The following IST1 variants were observed in gnomAD, a reference collection of about 807,000 sequenced individuals.
The protein encoded by IST1 is IST1 homolog.
A neutral mutation model predicts 37.0 loss-of-function variants in IST1; 23 were observed. The ratio of observed to expected loss-of-function variants is 0.62; its 90% CI spans 0.45 to 0.88. IST1 has a LOEUF of 0.88. Among genes scored for constraint, IST1 ranks in the 40% least tolerant of loss-of-function variants. The pLI, the probability that IST1 is intolerant of heterozygous loss-of-function variation, is 0.00. For synonymous variants in IST1, 180 were observed against 161.7 expected (o/e 1.11, Z -0.86); for missense variants, 488 against 445.4 (o/e 1.10, Z -0.86).
At chr16:71,915,207 A>G (rs2037441682) in intron 1 of IST1, among the ~76,000 whole-genome samples, 1 of 151,932 alleles carries the variant, frequency 6.6e-6, no homozygotes, top group Non-Finnish European at 1.5e-5. Flanking sequence ...CCCTGTTGAG[A>G]TTTTTTTGGG....
Position 71,922,468 on chromosome 16 carries a change from T to G in IST1, c.553-6T>G. The G allele has an allele frequency of 6.2e-7, 1 of 1,613,312 alleles. No homozygotes were observed. Among genetic ancestry groups the G allele is most frequent in the Non-Finnish European group, 8.5e-7 (1 of 1,179,532 alleles). Reference sequence around the variant, plus strand: ...TTAATGACCTGGGTTTCTCTTTTTTTCTCAGGCAGAAGCTCCTCCTGGGGT... The same window carrying G: ...TTAATGACCTGGGTTTCTCTTTTTTGCTCAGGCAGAAGCTCCTCCTGGGGT... On this transcript the variant is annotated splice_region_variant and splice_polypyrimidine_tract_variant and intron_variant, in intron 6 of 9. Transcript: ENST00000378799.
At chr16:71,916,377 G>T in intron 2 of IST1, 85 bp from the exon 3 acceptor site, 1 of 1,333,274 alleles carries the variant, frequency 7.5e-7, no homozygotes, top group Non-Finnish European at 1.1e-6. Context: ...GAAACACCCA[G>T]TTCTTCCTGT....
At chr16:71,913,708 C>T (rs1463469520) in intron 1 of IST1, among the ~76,000 whole-genome samples, 3 of 151,552 alleles carry the variant, frequency 2.0e-5, no homozygotes, top group African/African-American at 7.3e-5. Context: ...TCCATGTTGC[C>T]TAGGCTCGTC....
chr16:71,896,118 T>C (rs1397404754), intron 1 of IST1, among the ~76,000 whole-genome samples: 3 of 152,162 alleles, frequency 2.0e-5, no homozygotes, highest in Non-Finnish European at 4.4e-5. Context: ...CTGAGAAAAT[T>C]ACAATTTCTT....
chr16:71,902,571 A>T lies in IST1; in HGVS notation c.-16+6982A>T, dbSNP rs74590737. ...AGGCGTAAGCCACCGCGCCCAGCCT[A>T]GATTCAATTTTTGTAATAGATCTAG... On this transcript the variant is annotated intron_variant, in intron 1 of 9. Coordinates refer to ENST00000378799, the MANE Select transcript of IST1 (RefSeq NM_001270975.2). Among the ~76,000 whole-genome samples the T allele has an allele frequency of 6.7e-3, 1,021 of 152,292 alleles. 30 individuals are homozygous for T. The highest frequency in any genetic ancestry group is 0.041 in the East Asian group (210 of 5,182).
intron 1 of IST1, among the ~76,000 whole-genome samples, chr16:71,906,284 C>T (rs902555170): frequency 2.0e-5 from 3 of 150,908 alleles, no homozygotes; most frequent in African/African-American, 4.9e-5. Context: ...ATTAGAGGTG[C>T]GAGCCACTGC....
At chr16:71,923,108 T>A (rs2142592045) in intron 7 of IST1, among the ~76,000 whole-genome samples, 180 bp from the exon 8 acceptor site, 1 of 152,306 alleles carries the variant, frequency 6.6e-6, no homozygotes, top group Non-Finnish European at 1.5e-5. Context: ...TGGCTCTAGA[T>A]CTTTAAAAAT....
chr16:71,906,370 C>T (rs777999685), intron 1 of IST1, among the ~76,000 whole-genome samples: 11 of 151,980 alleles, frequency 7.2e-5, no homozygotes, highest in East Asian at 1.9e-4. Flanking sequence ...TGCAGTGGTC[C>T]GATCTCAGCT....
rs1333846688 is a variant in IST1, at chr16:71,930,732, T to C, written c.*2919T>C. ...CTTTACTTTTCTGCATACATAAATATCAAGTTCTGGGCTTATTGGAATGGT... is the reference window on the plus strand; with the variant it reads ...CTTTACTTTTCTGCATACATAAATACCAAGTTCTGGGCTTATTGGAATGGT... On this transcript the variant is annotated 3_prime_UTR_variant, in exon 10 of 10. Coordinates refer to ENST00000378799, the MANE Select transcript of IST1 (RefSeq NM_001270975.2). 6.6e-6 allele frequency: 1 copy of C among 152,208 alleles called. No homozygotes were observed. The highest frequency in any genetic ancestry group is 1.9e-4 in the East Asian group (1 of 5,198). 9.4% of individuals were successfully genotyped at this position (152,208 alleles called of 1,614,324 possible).
In IST1 at chr16:71,929,783, A is replaced by AAATAGTATCTTTACATT; in HGVS notation, c.*1970_*1971insAATAGTATCTTTACATT. On this transcript the variant is annotated 3_prime_UTR_variant, in exon 10 of 10. Coordinates refer to ENST00000378799, the MANE Select transcript of IST1 (RefSeq NM_001270975.2). Reference sequence around the variant, plus strand: ...TTTTAAAAAATTAGTAAATGTAAAGATACTATTTCTTTAATAATTTGCAGT... The same window carrying AAATAGTATCTTTACATT: ...TTTTAAAAAATTAGTAAATGTAAAGAAATAGTATCTTTACATTTACTATTTCTTTAATAATTTGCAGT... The AAATAGTATCTTTACATT allele has an allele frequency of 8.6e-7, 1 of 1,166,714 alleles. No homozygotes were observed. The highest frequency in any genetic ancestry group is 1.2e-6 in the Non-Finnish European group (1 of 843,740). 72.3% of individuals were successfully genotyped at this position (1,166,714 alleles called of 1,614,324 possible).
intron 1 of IST1, among the ~76,000 whole-genome samples, chr16:71,896,251 T>C (rs1218307864): frequency 6.6e-6 from 1 of 152,146 alleles, no homozygotes; most frequent in African/African-American, 2.4e-5. Flanking sequence ...TCCGGGGTGC[T>C]GGAGGTGACC....
chr16:71,925,251 G>T (rs1363011400), intron 9 of IST1, among the ~76,000 whole-genome samples: 1 of 151,346 alleles, frequency 6.6e-6, no homozygotes, highest in Non-Finnish European at 1.5e-5. Flanking sequence ...CTGACCTTGT[G>T]AGATCCGCCT....
rs752198989 is a variant in IST1, at chr16:71,916,680, G to T, written c.269+38G>T. On this transcript the variant is annotated intron_variant, in intron 3 of 9. Transcript: ENST00000378799. ...GATTCAGAGACCTAAATCATTTCTGGAATTTGAGAAAGGAGTAATATGATC... is the reference window on the plus strand; with the variant it reads ...GATTCAGAGACCTAAATCATTTCTGTAATTTGAGAAAGGAGTAATATGATC... 7 of 1,550,966 alleles carry T rather than the reference G, an allele frequency of 4.5e-6. 1 individual carries two copies. In the South Asian group the frequency reaches 8.1e-5, roughly 18 times the overall value.
chr16:71,926,322 T>C (rs1204212369), intron 9 of IST1, among the ~76,000 whole-genome samples: 1 of 151,812 alleles, frequency 6.6e-6, no homozygotes, highest in East Asian at 1.9e-4. Flanking sequence ...CTTATGGAGA[T>C]ACAATTTACA....
chr16:71,908,228 C>T (rs1409261481), intron 1 of IST1, among the ~76,000 whole-genome samples: 1 of 151,772 alleles, frequency 6.6e-6, no homozygotes, highest in Non-Finnish European at 1.5e-5. Context: ...AGGCGTGAGC[C>T]ACTGCGCCTG....
intron 4 of IST1, 37 bp downstream of exon 4, chr16:71,917,171 T>A: frequency 7.9e-7 from 1 of 1,272,124 alleles, no homozygotes; most frequent in Non-Finnish European, 1.1e-6. Context: ...CTGTAGCTTT[T>A]CATATTGTTA....
At chr16:71,898,556 C>T (rs1343675631) in intron 1 of IST1, among the ~76,000 whole-genome samples, 1 of 148,270 alleles carries the variant, frequency 6.7e-6, no homozygotes, top group Non-Finnish European at 1.5e-5. Context: ...TGGTGGCGGG[C>T]GCCTGTAATA....
rs1312674255 is a variant in IST1, at chr16:71,930,972, T to G, written c.*3159T>G. On this transcript the variant is annotated 3_prime_UTR_variant, in exon 10 of 10. Coordinates refer to ENST00000378799, the MANE Select transcript of IST1 (RefSeq NM_001270975.2). ...ACTGTTTTACCTACTTAAAAATGAT[T>G]ATTATAACAATTTCAGGTCAACCAG... The G allele has an allele frequency of 6.6e-6, 1 of 152,226 alleles. No homozygotes were observed. The highest frequency in any genetic ancestry group is 1.5e-5 in the Non-Finnish European group (1 of 68,044). 9.4% of individuals were successfully genotyped at this position (152,226 alleles called of 1,614,324 possible).
At chr16:71,922,011 C>T (rs1038733066) in intron 6 of IST1, among the ~76,000 whole-genome samples, 6 of 152,274 alleles carry the variant, frequency 3.9e-5, no homozygotes, top group African/African-American at 1.4e-4. Flanking sequence ...GTGGTGGGCA[C>T]CTGTAATCTC....
Sources: allele counts gnomAD v4.1 joint callset (sites outside exome capture counted in the v4.1 genomes callset), GRCh38; gene constraint gnomAD v4.1.1; transcripts MANE v1.5; gene names NCBI Gene and HGNC (gene_info 2026-07-23, HGNC 2026-07-21).